The following SCN3A variants were observed in gnomAD, a reference collection of about 807,000 sequenced individuals.
SCN3A encodes sodium channel protein type 3 subunit alpha.
A neutral mutation model predicts 187.6 loss-of-function variants in SCN3A; 60 were observed. That is an observed-to-expected ratio of 0.32 (90% confidence interval 0.26 to 0.40). The LOEUF (loss-of-function observed/expected upper bound fraction) is 0.40. Among genes scored for constraint, SCN3A ranks in the 10% least tolerant of loss-of-function variants. The probability of loss-of-function intolerance (pLI) is 1.00; values close to 1 mark genes in which losing one functional copy is unlikely to be tolerated. For synonymous variants in SCN3A, 788 were observed against 829.2 expected (o/e 0.95, Z 0.85); for missense variants, 1,601 against 2,428.2 (o/e 0.66, Z 7.16).
intron 5 of SCN3A, among the ~76,000 whole-genome samples, chr2:165,168,176 C>T (rs1689889699): frequency 6.6e-6 from 1 of 152,030 alleles, no homozygotes; most frequent in Non-Finnish European, 1.5e-5. Context: ...CCCCTAAGCC[C>T]TGTTATTTTA....
At chr2:165,201,402 A>C (rs1362328084) in intron 1 of SCN3A, among the ~76,000 whole-genome samples, 1 of 152,074 alleles carries the variant, frequency 6.6e-6, no homozygotes, top group East Asian at 1.9e-4. Context: ...TTATATCACC[A>C]GCACTAACGA....
intron 4 of SCN3A, among the ~76,000 whole-genome samples, chr2:165,169,091 A>G (rs2105907230): frequency 6.6e-6 from 1 of 152,032 alleles, no homozygotes; most frequent in Non-Finnish European, 1.5e-5. Context: ...TTGCATTCCA[A>G]TCAGTTGTGT....
chr2:165,168,918 T>G (rs1267866367), intron 4 of SCN3A, 93 bp from the exon 5 acceptor site: 1 of 808,454 alleles, frequency 1.2e-6, no homozygotes, highest in Non-Finnish European at 2.1e-6. Flanking sequence ...ATGCAAAAAC[T>G]GTGAAATTAA....
chr2:165,163,756 G>T (rs1463818298), intron 6 of SCN3A, 47 bp from the exon 7 acceptor site: 2 of 1,613,454 alleles, frequency 1.2e-6, no homozygotes, highest in South Asian at 1.1e-5. Flanking sequence ...CACAAGAAAA[G>T]TTGGAGATAT....
At chr2:165,105,280 T>A (rs549637324) in intron 21 of SCN3A, among the ~76,000 whole-genome samples, 205 of 152,324 alleles carry the variant, frequency 1.3e-3, no homozygotes, top group Non-Finnish European at 2.0e-3. Flanking sequence ...TAAACAGTTA[T>A]CTACATTGTT....
chr2:165,092,584 T>A lies in SCN3A; in HGVS notation c.4537-60A>T. The A allele has an allele frequency of 6.6e-7, 1 of 1,514,352 alleles. No individual in the cohort carries two copies. The highest frequency in any genetic ancestry group is 9.1e-7 in the Non-Finnish European group (1 of 1,093,564). 93.8% of individuals were successfully genotyped at this position (1,514,352 alleles called of 1,614,324 possible). ...ATATATTTCATAAAGAATAATGCAGTAAAATTGTAGATAAAGCCCTTCCAC... is the reference window on the plus strand; with the variant it reads ...ATATATTTCATAAAGAATAATGCAGAAAAATTGTAGATAAAGCCCTTCCAC... On this transcript the variant is annotated intron_variant, in intron 26 of 27. Transcript: ENST00000283254. The surrounding 1 kb of genome is among the most constrained non-coding windows in gnomAD (Gnocchi z 4.2).
intron 12 of SCN3A, among the ~76,000 whole-genome samples, chr2:165,145,135 A>G (rs996536076): frequency 6.6e-6 from 1 of 152,126 alleles, no homozygotes; most frequent in Non-Finnish European, 1.5e-5. Context: ...ACTTTATTTT[A>G]CAGAAATTTT....
rs1692466791 is a variant in SCN3A, at chr2:165,203,852, C to T, written c.-277G>A. On this transcript the variant is annotated 5_prime_UTR_variant, in exon 1 of 28. An upstream start codon of the reference 5' UTR is lost. Transcript: ENST00000283254. ...TAAAACAGAGCCTTATGAATTACAG[C>T]ATAACAAAGCCCAGCATCCAAGATG... 2 of 149,566 alleles carry T rather than the reference C, an allele frequency of 1.3e-5. 1 individual carries two copies. Among genetic ancestry groups the T allele is most frequent in the South Asian group, 4.2e-4 (2 of 4,750 alleles). 9.3% of individuals were successfully genotyped at this position (149,566 alleles called of 1,614,324 possible).
At chr2:165,098,975 T>C (rs1685482417) in intron 22 of SCN3A, among the ~76,000 whole-genome samples, 1 of 152,242 alleles carries the variant, frequency 6.6e-6, no homozygotes, top group Non-Finnish European at 1.5e-5. Context: ...AATTGTATAG[T>C]AATTTTTATG....
Position 165,176,217 on chromosome 2 carries a change from T to C in SCN3A, c.178A>G (p.Asn60Asp). Residue 60 changes from asparagine (N) to aspartate (D), a missense_variant, in exon 3 of 28, where the codon AAC becomes GAC. This residue lies in a region of SCN3A where 74 missense variants were observed against 77.7 expected (regional missense o/e 0.95). Transcript: ENST00000283254. ...KPNSDLEAGK[N>D]LPFIYGDIPP... ...ATGTCTCCATAAATAAATGGAAGGT[T>C]CTTTCCAGCTTCCAAGTCACTATTT... 1 of 1,614,146 alleles carries C rather than the reference T, an allele frequency of 6.2e-7. No individual in the cohort carries two copies. Among genetic ancestry groups the C allele is most frequent in the African/African-American group, 1.3e-5 (1 of 75,066 alleles).
In SCN3A at chr2:165,122,509, G is replaced by A. The variant is rs763625615; in HGVS notation, c.3393+5122C>T. The stretch of plus-strand genomic sequence containing the variant: ...AAAATGCATGCCCTCCTACATCCCT[G>A]ACTATATTGAACCATAAACATTCCT... On this transcript the variant is annotated intron_variant, in intron 18 of 27. Coordinates refer to ENST00000283254, the MANE Select transcript of SCN3A (RefSeq NM_006922.4). Among the ~76,000 whole-genome samples, 69 of 152,004 alleles carry A rather than the reference G, an allele frequency of 4.5e-4. 1 individual carries two copies. The highest frequency in any genetic ancestry group is 3.1e-4 in the Non-Finnish European group (21 of 67,996).
At chr2:165,179,364 T>C (rs1437623228) in intron 2 of SCN3A, among the ~76,000 whole-genome samples, 2 of 152,190 alleles carry the variant, frequency 1.3e-5, no homozygotes, top group Non-Finnish European at 2.9e-5. Flanking sequence ...TTTATATTAA[T>C]ACATACATTT....
At chr2:165,185,977 TA>T (rs1221833393) in intron 2 of SCN3A, among the ~76,000 whole-genome samples, 1 of 151,858 alleles carries the variant, frequency 6.6e-6, no homozygotes, top group Non-Finnish European at 1.5e-5. Flanking sequence ...GAAAAATATA[TA>T]AAAAACTCAG....
chr2:165,103,554 T>C (rs962378010), intron 21 of SCN3A, among the ~76,000 whole-genome samples: 1 of 152,140 alleles, frequency 6.6e-6, no homozygotes, highest in African/African-American at 2.4e-5. Context: ...CATATCACAC[T>C]ACACAGTAAA....
chr2:165,112,255 G>T (rs370310052), intron 21 of SCN3A, among the ~76,000 whole-genome samples: 1 of 152,200 alleles, frequency 6.6e-6, no homozygotes, highest in African/African-American at 2.4e-5. Context: ...AATTGGCAAT[G>T]TTCCTATGAC....
At chr2:165,154,767 C>A in intron 10 of SCN3A, 109 bp from the exon 11 acceptor site, 2 of 1,101,892 alleles carry the variant, frequency 1.8e-6, no homozygotes, top group Non-Finnish European at 1.3e-6. Context: ...TTTTAGTATC[C>A]AGTTTATTTT....
intron 25 of SCN3A, 59 bp from the exon 26 acceptor site, chr2:165,094,537 A>T: frequency 1.8e-6 from 2 of 1,099,880 alleles, no homozygotes; most frequent in East Asian, 4.7e-5. Flanking sequence ...TTTCACAAAA[A>T]ATATTTGTCT....
intron 11 of SCN3A, among the ~76,000 whole-genome samples, chr2:165,152,636 AG>A (rs1688755238): frequency 6.6e-6 from 1 of 152,144 alleles, no homozygotes; most frequent in African/African-American, 2.4e-5. Context: ...TAGATACCTG[AG>A]GAATCGCCAC....
chr2:165,184,379 T>A (rs1221600939), intron 2 of SCN3A, among the ~76,000 whole-genome samples: 3 of 151,634 alleles, frequency 2.0e-5, no homozygotes, highest in Non-Finnish European at 4.4e-5. Context: ...TGTTACAATT[T>A]CATGAGGTTG....
Sources: allele counts gnomAD v4.1 joint callset (sites outside exome capture counted in the v4.1 genomes callset), GRCh38; gene constraint gnomAD v4.1.1; regional missense constraint gnomAD v4.1.1; non-coding constraint Gnocchi (gnomAD v3.1); transcripts MANE v1.5; gene names NCBI Gene and HGNC (gene_info 2026-07-23, HGNC 2026-07-21).